Variants in GALNT14 observed in about 807,000 individuals in gnomAD.
The protein encoded by GALNT14 is UDP-GalNAc:polypeptide N-acetylgalactosaminyltransferase 14.
A neutral mutation model predicts 77.5 loss-of-function variants in GALNT14; 60 were observed. The observed-to-expected ratio is 0.77, with a 90% confidence interval of 0.63 to 0.96. The LOEUF (loss-of-function observed/expected upper bound fraction) is 0.96. Among genes scored for constraint, GALNT14 ranks in the 40% least tolerant of loss-of-function variants. The probability of loss-of-function intolerance (pLI) is 0.00; values close to 1 mark genes in which losing one functional copy is unlikely to be tolerated. For synonymous variants in GALNT14, 280 were observed against 281.7 expected (o/e 0.99, Z 0.06); for missense variants, 710 against 731.0 (o/e 0.97, Z 0.33).
At chr2:31,038,942 C>T (rs569286408) in intron 1 of GALNT14, among the ~76,000 whole-genome samples, 1 of 151,940 alleles carries the variant, frequency 6.6e-6, no homozygotes, top group South Asian at 2.1e-4. Context: ...GATGGGGTTT[C>T]GCCATGTTGG....
At chr2:30,900,201 C>T in the GALNT14 span, among the ~76,000 whole-genome samples, 1 of 152,140 alleles carries the variant, frequency 6.6e-6, no homozygotes, top group South Asian at 2.1e-4. Flanking sequence ...TACAGGGCTT[C>T]CCCTCAACCC....
At chr2:31,056,735 G>T (rs1480030737) in intron 1 of GALNT14, among the ~76,000 whole-genome samples, 1 of 152,178 alleles carries the variant, frequency 6.6e-6, no homozygotes, top group African/African-American at 2.4e-5. Flanking sequence ...TCGTGATATA[G>T]TGATACAAGT....
At chr2:30,993,405 C>G (rs1254920861) in intron 1 of GALNT14, among the ~76,000 whole-genome samples, 2 of 152,216 alleles carry the variant, frequency 1.3e-5, no homozygotes, top group African/African-American at 2.4e-5. Flanking sequence ...TCTAGTATCC[C>G]AACCCCAGAG....
At chr2:31,067,700 CCT>C (rs1275716071) in intron 1 of GALNT14, among the ~76,000 whole-genome samples, 1 of 152,164 alleles carries the variant, frequency 6.6e-6, no homozygotes, top group Admixed American at 6.5e-5. Context: ...CAAAAATAAA[CCT>C]CTGTCACTTC....
intron 9 of GALNT14, among the ~76,000 whole-genome samples, chr2:30,936,015 T>C (rs1666035093): frequency 1.3e-5 from 2 of 152,200 alleles, no homozygotes; most frequent in African/African-American, 4.8e-5. Flanking sequence ...AGCGCCCACA[T>C]AATCTCCCTG....
At chr2:30,981,929 C>T (rs1669013841) in intron 2 of GALNT14, among the ~76,000 whole-genome samples, 1 of 152,198 alleles carries the variant, frequency 6.6e-6, no homozygotes, top group South Asian at 2.1e-4. Context: ...TATTTCTTCC[C>T]CTTACTTTAT....
chr2:31,034,358 CTTATT>C (rs772061535), intron 1 of GALNT14, among the ~76,000 whole-genome samples: 1 of 152,190 alleles, frequency 6.6e-6, no homozygotes, highest in South Asian at 2.1e-4. Context: ...CTTTATAATA[CTTATT>C]TTATTTTGTT....
At chr2:31,023,711 C>T (rs1671871646) in intron 1 of GALNT14, among the ~76,000 whole-genome samples, 1 of 152,076 alleles carries the variant, frequency 6.6e-6, no homozygotes, top group Non-Finnish European at 1.5e-5. Context: ...CCATGGTTGG[C>T]ACAGTAGCCT....
At chr2:30,899,810 C>T in the GALNT14 span, among the ~76,000 whole-genome samples, 3 of 152,172 alleles carry the variant, frequency 2.0e-5, no homozygotes, top group African/African-American at 4.8e-5. Context: ...CGAGTTGGGC[C>T]GCCAGAGTCC....
chr2:31,126,068 A>AGGG (rs1678686612), intron 1 of GALNT14, among the ~76,000 whole-genome samples: 1 of 152,240 alleles, frequency 6.6e-6, no homozygotes, highest in African/African-American at 2.4e-5. Flanking sequence ...AGCATTCATA[A>AGGG]GGGGATGTCA....
intron 2 of GALNT14, among the ~76,000 whole-genome samples, chr2:30,981,134 C>CA (rs1433798048): frequency 2.6e-5 from 4 of 152,230 alleles, no homozygotes; most frequent in African/African-American, 4.8e-5. Flanking sequence ...ACCTTCGTCC[C>CA]AGCACAGAGC....
chr2:31,058,884 A>C (rs1214091084), intron 1 of GALNT14, among the ~76,000 whole-genome samples: 2 of 152,234 alleles, frequency 1.3e-5, no homozygotes, highest in Non-Finnish European at 2.9e-5. Flanking sequence ...TTTTCTAAGC[A>C]ATATCTCAAA....
intron 3 of GALNT14, among the ~76,000 whole-genome samples, chr2:30,962,449 A>G (rs1020038564): frequency 9.9e-5 from 15 of 152,236 alleles, no homozygotes; most frequent in African/African-American, 3.6e-4. Context: ...TCCATTGCCC[A>G]TGCCTCAGAG....
chr2:31,023,069 G>A (rs1411664877), intron 1 of GALNT14, among the ~76,000 whole-genome samples: 1 of 152,104 alleles, frequency 6.6e-6, no homozygotes, highest in Non-Finnish European at 1.5e-5. Context: ...CTTGAAGAAG[G>A]GGTAACATTT....
rs1373913648 is a variant in GALNT14 at position 31,120,014 on chromosome 2, G to A, written c.129+17944C>T. ...TACTAAAAATACAAAAAATTAGCCGGGCGTGGTAGCGGGCGCCTGTAGTCC... is the reference window on the plus strand; with the variant it reads ...TACTAAAAATACAAAAAATTAGCCGAGCGTGGTAGCGGGCGCCTGTAGTCC... On this transcript the variant is annotated intron_variant, in intron 1 of 14. Coordinates refer to ENST00000349752, the MANE Select transcript of GALNT14 (RefSeq NM_024572.4). Among the ~76,000 whole-genome samples, 2 of 123,968 alleles carry A rather than the reference G, an allele frequency of 1.6e-5. 1 individual carries two copies. Among genetic ancestry groups the A allele is most frequent in the Non-Finnish European group, 3.7e-5 (2 of 53,690 alleles). 81.3% of individuals were successfully genotyped at this position (123,968 alleles called of 152,430 possible).
At chr2:30,906,454 G>C (rs1376252720), downstream of GALNT14, among the ~76,000 whole-genome samples, 1 of 149,390 alleles carries the variant, frequency 6.7e-6, no homozygotes, top group African/African-American at 2.5e-5. Flanking sequence ...GATCAAAAGA[G>C]ACAAAGAAGG....
the GALNT14 span, among the ~76,000 whole-genome samples, chr2:30,899,268 A>T: frequency 6.6e-6 from 1 of 152,188 alleles, no homozygotes; most frequent in African/African-American, 2.4e-5. Context: ...TCCAGAGGGA[A>T]GGACCCACCA....
chr2:31,111,953 T>C (rs1193450565), intron 1 of GALNT14, among the ~76,000 whole-genome samples: 2 of 152,028 alleles, frequency 1.3e-5, no homozygotes, highest in African/African-American at 4.8e-5. Flanking sequence ...TTGCCTCTAG[T>C]GATGGGGCTG....
intron 1 of GALNT14, among the ~76,000 whole-genome samples, chr2:31,077,080 A>G (rs1370336177): frequency 6.6e-6 from 1 of 152,192 alleles, no homozygotes; most frequent in Non-Finnish European, 1.5e-5. Context: ...TGTTTATTGG[A>G]TTCTGCAGAA....
Sources: allele counts gnomAD v4.1 joint callset (sites outside exome capture counted in the v4.1 genomes callset), GRCh38; gene constraint gnomAD v4.1.1; transcripts MANE v1.5; gene names NCBI Gene and HGNC (gene_info 2026-07-23, HGNC 2026-07-21).